The following TTC6 variants were observed in gnomAD, a reference collection of about 807,000 sequenced individuals.
TTC6 encodes the protein tetratricopeptide repeat protein 6.
Under a neutral mutation model 210.4 loss-of-function variants are expected in TTC6, and 172 were observed. That is an observed-to-expected ratio of 0.82 (90% CI 0.72 to 0.93). The LOEUF (loss-of-function observed/expected upper bound fraction) is 0.93, where lower values mean the gene tolerates loss of function less well. Ranked by LOEUF, TTC6 falls within the 40% of genes least tolerant of loss-of-function variation. The pLI is 0.00. For missense variants in TTC6, 2,414 were observed against 2,318.1 expected (o/e 1.04, Z -0.85); for synonymous variants, 804 against 819.6 (o/e 0.98, Z 0.32).
chr14:37,675,933 T>G (rs556075307), intron 1 of TTC6, among the ~76,000 whole-genome samples: 2 of 152,086 alleles, frequency 1.3e-5, no homozygotes, highest in African/African-American at 4.8e-5. Flanking sequence ...AAATGAAAAT[T>G]TGTTGTCTAT....
chr14:37,840,548 A>AAT (rs985995831), intron 29 of TTC6, among the ~76,000 whole-genome samples: 5 of 152,164 alleles, frequency 3.3e-5, no homozygotes, highest in Non-Finnish European at 7.4e-5. Flanking sequence ...ACAAAAAAAA[A>AAT]AGAAATTTTT....
At chr14:37,650,131 T>A (rs2095708553) in intron 1 of TTC6, among the ~76,000 whole-genome samples, 1 of 152,216 alleles carries the variant, frequency 6.6e-6, no homozygotes, top group Non-Finnish European at 1.5e-5. Flanking sequence ...GCTTGTTCCT[T>A]CTTGCATTTC....
exon 12 of TTC6, chr14:37,749,753 C>T: frequency 6.8e-7 from 1 of 1,460,298 alleles, no homozygotes; most frequent in Non-Finnish European, 9.0e-7. Context: ...TGCCTATTGG[C>T]ATCGACATTT....
At chr14:37,785,530 C>T (rs2096065515) in intron 14 of TTC6, among the ~76,000 whole-genome samples, 1 of 152,122 alleles carries the variant, frequency 6.6e-6, no homozygotes, top group South Asian at 2.1e-4. Flanking sequence ...AATCTTTTCT[C>T]AAGGTTTTTA....
At chr14:37,738,663 A>T in intron 9 of TTC6, 113 bp from the exon 12 acceptor site, 1 of 936,910 alleles carries the variant, frequency 1.1e-6, no homozygotes, top group Non-Finnish European at 1.5e-6. Flanking sequence ...TTAAACTTTT[A>T]AATTAAGTGA....
chr14:37,679,983 C>T (rs927627268), intron 1 of TTC6, among the ~76,000 whole-genome samples, 168 bp from the exon 4 acceptor site: 1 of 152,020 alleles, frequency 6.6e-6, no homozygotes, highest in Non-Finnish European at 1.5e-5. Flanking sequence ...AGCCACCACA[C>T]CCTGACTTTA....
chr14:37,732,002 C>G (rs1399085849), intron 7 of TTC6, among the ~76,000 whole-genome samples: 1 of 151,754 alleles, frequency 6.6e-6, no homozygotes, highest in Non-Finnish European at 1.5e-5. Context: ...TATAATTGAT[C>G]CTTGAACAAT....
chr14:37,777,726 G>T (rs1461184877), intron 14 of TTC6, among the ~76,000 whole-genome samples: 5 of 150,882 alleles, frequency 3.3e-5, no homozygotes, highest in African/African-American at 1.2e-4. Context: ...CATCTTTTTG[G>T]GCTGAAGTTC....
chr14:37,711,018 A>G (rs962422376), intron 5 of TTC6, among the ~76,000 whole-genome samples: 1 of 152,032 alleles, frequency 6.6e-6, no homozygotes, highest in Admixed American at 6.6e-5. Flanking sequence ...TCAGCTCCTG[A>G]GTTTCTGACT....
chr14:37,669,769 C>T (rs905752708), intron 1 of TTC6, among the ~76,000 whole-genome samples: 2 of 152,006 alleles, frequency 1.3e-5, no homozygotes, highest in Non-Finnish European at 2.9e-5. Context: ...TCATATAATT[C>T]CTTGGACTTA....
intron 1 of TTC6, among the ~76,000 whole-genome samples, chr14:37,666,780 C>T (rs67770262): frequency 0.075 from 11,288 of 150,144 alleles, 929 homozygotes; most frequent in African/African-American, 0.12. Context: ...TGGTAAGGTC[C>T]ACAGCAATTC....
chr14:37,717,826 C>T (rs1348529579), intron 6 of TTC6, among the ~76,000 whole-genome samples: 2 of 152,132 alleles, frequency 1.3e-5, no homozygotes, highest in Non-Finnish European at 2.9e-5. Flanking sequence ...ATGTTTGTCT[C>T]CTCCAAAACT....
chr14:37,663,574 A>T (rs1010146902), intron 1 of TTC6, among the ~76,000 whole-genome samples: 2 of 152,092 alleles, frequency 1.3e-5, no homozygotes, highest in African/African-American at 4.8e-5. Context: ...TACTCATACT[A>T]TCAAATTCAA....
In TTC6 at chr14:37,697,326, G is replaced by A. The variant is rs187092964; in HGVS notation, c.1376+491G>A. On this transcript the variant is annotated intron_variant, in intron 4 of 30. Coordinates refer to ENST00000553443, the Ensembl canonical transcript of TTC6. ...ATCCATAATTTTAATGGAGTTTCTC[G>A]TTACACAGGAATACAACCACAATTT... is the stretch of plus-strand genomic sequence containing the variant. 1.4e-4 allele frequency among the ~76,000 whole-genome samples: 22 copies of A among 152,066 alleles called. No individual in the cohort carries two copies. The East Asian group carries it at 3.3e-3, about 23-fold the overall frequency.
At chr14:37,807,219 T>G (rs1233335933) in intron 22 of TTC6, 101 bp from the exon 25 acceptor site, 4 of 1,106,996 alleles carry the variant, frequency 3.6e-6, no homozygotes, top group Non-Finnish European at 3.5e-6. Context: ...TTAATACCCT[T>G]TTTGGGAGGC....
At chr14:37,696,656 A>C (rs1566894512) in intron 3 of TTC6, 61 bp from the exon 6 acceptor site, 1 of 765,104 alleles carries the variant, frequency 1.3e-6, no homozygotes, top group East Asian at 3.2e-5. Flanking sequence ...TAAATATGAG[A>C]GAAAGATCTA....
At chr14:37,772,179 G>A (rs1469536077) in intron 14 of TTC6, among the ~76,000 whole-genome samples, 6 of 152,170 alleles carry the variant, frequency 3.9e-5, no homozygotes, top group Middle Eastern at 3.2e-3. Context: ...CTCCAGCTGC[G>A]TGCTGGGAGA....
At chr14:37,696,028 G>A (rs2095814187) in intron 3 of TTC6, among the ~76,000 whole-genome samples, 1 of 152,194 alleles carries the variant, frequency 6.6e-6, no homozygotes, top group Admixed American at 6.5e-5. Context: ...ATGGTTAGGT[G>A]GAATGCTCTG....
In TTC6 at chr14:37,739,198, T is replaced by C. The variant is rs146522186; in HGVS notation, c.2363+43T>C. The C allele has an allele frequency of 3.8e-5, 54 of 1,439,954 alleles. No homozygotes were observed. In the East Asian group the frequency reaches 5.7e-4, roughly 15 times the overall value. 89.2% of individuals were successfully genotyped at this position (1,439,954 alleles called of 1,614,324 possible). On this transcript the variant is annotated intron_variant, in intron 10 of 30. Coordinates refer to ENST00000553443, the Ensembl canonical transcript of TTC6. ...TTCTTATAGTTTAAGAAATATATTGTGGTTTTGACCTTAATTTTATAATCT... is the reference window on the plus strand; with the variant it reads ...TTCTTATAGTTTAAGAAATATATTGCGGTTTTGACCTTAATTTTATAATCT...
Sources: gnomAD v4.1 joint callset for allele counts (sites outside exome capture counted in the v4.1 genomes callset) on GRCh38, gnomAD v4.1.1 for gene constraint, MANE v1.5 for transcripts, NCBI Gene and HGNC (gene_info 2026-07-23, HGNC 2026-07-21) for gene names.